UBOX5: variants seen among roughly 807,000 people sequenced by gnomAD.
UBOX5 encodes RING finger protein 37.
Under a neutral mutation model 39.0 loss-of-function variants are expected in UBOX5, and 28 were observed. The ratio of observed to expected loss-of-function variants is 0.72; its 90% CI spans 0.53 to 0.98. The LOEUF (loss-of-function observed/expected upper bound fraction) is 0.98, where lower values mean the gene tolerates loss of function less well. Among genes scored for constraint, UBOX5 ranks in the 50% least tolerant of loss-of-function variants. The pLI is 0.00. For missense variants in UBOX5, 585 were observed against 674.4 expected (o/e 0.87, Z 1.47); for synonymous variants, 283 against 275.5 (o/e 1.03, Z -0.27).
intron 1 of UBOX5, among the ~76,000 whole-genome samples, chr20:3,125,724 C>CTGTG (rs1169733090): frequency 2.0e-5 from 3 of 149,724 alleles, no homozygotes; most frequent in Non-Finnish European, 1.5e-5. Context: ...TGCCTGGCCG[C>CTGTG]CCATCATCTG....
At chr20:3,121,361 G>A (rs778177120) in intron 3 of UBOX5, 23 bp downstream of exon 3, 18 of 1,586,870 alleles carry the variant, frequency 1.1e-5, no homozygotes, top group Admixed American at 3.5e-5. Context: ...GAGCCTGGCT[G>A]CGGACACAGG....
intron 3 of UBOX5, among the ~76,000 whole-genome samples, chr20:3,117,287 GCACACACACA>G (rs11468015): frequency 0.37 from 55,087 of 147,406 alleles, 11,364 homozygotes; most frequent in East Asian, 0.5. Flanking sequence ...ACCAAAGATG[GCACACACACA>G]CACACACACA....
chr20:3,128,515 T>C (rs1290882050), intron 1 of UBOX5, among the ~76,000 whole-genome samples: 1 of 152,120 alleles, frequency 6.6e-6, no homozygotes, highest in Non-Finnish European at 1.5e-5. Flanking sequence ...GAGGGTTTTC[T>C]TTTCACTGCT....
At chr20:3,154,649 G>A (rs1210541750) in intron 1 of UBOX5, among the ~76,000 whole-genome samples, 1 of 152,100 alleles carries the variant, frequency 6.6e-6, no homozygotes, top group East Asian at 1.9e-4. Context: ...TGCTATGGCA[G>A]GGTGACAGAG....
chr20:3,123,029 C>T (rs984953813), intron 2 of UBOX5, among the ~76,000 whole-genome samples: 6 of 152,152 alleles, frequency 3.9e-5, no homozygotes. Flanking sequence ...GTATTTCTAC[C>T]TTTGCTATGA....
chr20:3,122,552 G>T lies in UBOX5; in HGVS notation c.87C>A (p.Leu29=). The T allele has an allele frequency of 6.3e-7, 1 of 1,598,982 alleles. No homozygotes were observed. Among genetic ancestry groups the T allele is most frequent in the South Asian group, 1.1e-5 (1 of 89,400 alleles). Residue 29 remains leucine, a synonymous_variant, in exon 3 of 5, where the codon CTC becomes CTA. Coordinates refer to ENST00000217173, the MANE Select transcript of UBOX5 (RefSeq NM_014948.4). ...TTCTCTTTGTGAGATCTTCAGAGAT[G>T]AGATTTTCTACTTCGTAACCATCAG... is the stretch of plus-strand genomic sequence containing the variant. ...ISADGYEVEN[L]ISEDLTKRSH...
At chr20:3,158,441 G>C (rs1031981783) in intron 1 of UBOX5, among the ~76,000 whole-genome samples, 2 of 152,094 alleles carry the variant, frequency 1.3e-5, no homozygotes, top group African/African-American at 4.8e-5. Flanking sequence ...ATGCAGCACA[G>C]AGTCTTCAGA....
intron 1 of UBOX5, chr20:3,156,757 G>A (rs1368577525): frequency 6.6e-6 from 1 of 152,332 alleles, no homozygotes; most frequent in Non-Finnish European, 1.5e-5. Context: ...GAAGTTAGAG[G>A]AGGGGGGCCA....
intron 1 of UBOX5, among the ~76,000 whole-genome samples, chr20:3,123,849 T>G (rs2066356872): frequency 6.6e-6 from 1 of 152,184 alleles, no homozygotes; most frequent in Non-Finnish European, 1.5e-5. Flanking sequence ...GTTTTCTTAT[T>G]AAAATGAAAA....
intron 1 of UBOX5, among the ~76,000 whole-genome samples, chr20:3,152,285 G>C (rs1029196201): frequency 6.6e-6 from 1 of 151,438 alleles, no homozygotes; most frequent in African/African-American, 2.4e-5. Context: ...TTCGAGACCA[G>C]CCTGGCCAAC....
chr20:3,129,280 G>A (rs915404835), intron 1 of UBOX5, among the ~76,000 whole-genome samples: 11 of 152,124 alleles, frequency 7.2e-5, no homozygotes, highest in Non-Finnish European at 1.2e-4. Flanking sequence ...CTCTTGTCTG[G>A]CACTCCTCGT....
rs1408102357 is a variant in UBOX5, at chr20:3,108,138, C to T, written c.*1968G>A. On this transcript the variant is annotated 3_prime_UTR_variant, in exon 5 of 5. Transcript: ENST00000217173. ...TTTTTCTTTTTTTGAGAGGGAGTCT[C>T]ACTCCGTCGCCCAGGCTGGAGTACA... 6.6e-6 allele frequency: 1 copy of T among 152,100 alleles called. No individual in the cohort carries two copies. The highest frequency in any genetic ancestry group is 1.5e-5 in the Non-Finnish European group (1 of 68,132). The allele number at this position is 152,100 out of a possible 1,614,324, so 9.4% of individuals were successfully genotyped here. A position where few individuals can be genotyped will look rare whatever the true frequency, so the allele number is the denominator to read the frequency against.
rs894730562 is a variant in UBOX5 at position 3,109,871 on chromosome 20, G to T, written c.*235C>A. On this transcript the variant is annotated 3_prime_UTR_variant, in exon 5 of 5. Transcript: ENST00000217173. ...CCAGTGGGTCCTGGGCTCAGGCAGG[G>T]GGGGTGGCAGGGAGGCAGGGACATC... 3.4e-6 allele frequency: 2 copies of T among 588,272 alleles called. No homozygotes were observed. The highest frequency in any genetic ancestry group is 3.0e-5 in the Admixed American group (1 of 33,292). The allele number at this position is 588,272 out of a possible 1,614,324, so 36.4% of individuals were successfully genotyped here.
rs1313498627 is a variant in UBOX5 at position 3,157,139 on chromosome 20, G to A, written c.-42+2627C>T. 9.9e-5 allele frequency among the ~76,000 whole-genome samples: 15 copies of A among 152,260 alleles called. No homozygotes were observed. The East Asian group carries it at 2.9e-3, about 29-fold the overall frequency. ...AAAAACCGAACTTTCTCTAGGTGCT[G>A]AGGTATTCTGCTGAGAATCTACAAA... On this transcript the variant is annotated intron_variant, in intron 1 of 4. Coordinates refer to ENST00000217173, the MANE Select transcript of UBOX5 (RefSeq NM_014948.4).
At chr20:3,111,039 C>A (rs376454575) in intron 4 of UBOX5, among the ~76,000 whole-genome samples, 1 of 152,198 alleles carries the variant, frequency 6.6e-6, no homozygotes, top group African/African-American at 2.4e-5. Context: ...CTCAGTCCCC[C>A]TCCTGTGCTG....
At chr20:3,136,514 C>T (rs1043923559) in intron 1 of UBOX5, among the ~76,000 whole-genome samples, 26 of 151,550 alleles carry the variant, frequency 1.7e-4, no homozygotes, top group Middle Eastern at 3.4e-3. Context: ...CCATCACACT[C>T]GGCTAATTTT....
At chr20:3,120,620 TG>T (rs1305697295) in intron 3 of UBOX5, among the ~76,000 whole-genome samples, 3 of 143,046 alleles carry the variant, frequency 2.1e-5, no homozygotes, top group African/African-American at 7.9e-5. Context: ...CACTCCAGCC[TG>T]GGCGACACAG....
chr20:3,158,953 G>A (rs1243513933), intron 1 of UBOX5, among the ~76,000 whole-genome samples: 2 of 152,234 alleles, frequency 1.3e-5, no homozygotes, highest in Non-Finnish European at 2.9e-5. Flanking sequence ...CAAAACGCCA[G>A]CCACAGTTGG....
chr20:3,152,586 C>A (rs1037831835), intron 1 of UBOX5, among the ~76,000 whole-genome samples: 13 of 152,072 alleles, frequency 8.5e-5, no homozygotes, highest in African/African-American at 3.1e-4. Flanking sequence ...ATATACTGTT[C>A]AAATCTGTAG....
Sources: gnomAD v4.1 joint callset for allele counts (sites outside exome capture counted in the v4.1 genomes callset) on GRCh38, gnomAD v4.1.1 for gene constraint, MANE v1.5 for transcripts, NCBI Gene and HGNC (gene_info 2026-07-23, HGNC 2026-07-21) for gene names.